Variants in CXXC5 observed in about 807,000 individuals in gnomAD.
CXXC5 encodes CXXC-type zinc finger protein 5.
In CXXC5, 2 loss-of-function variants were observed where a neutral mutation model predicts 17.6. The ratio of observed to expected loss-of-function variants is 0.11; its 90% CI spans 0.05 to 0.36. The LOEUF (loss-of-function observed/expected upper bound fraction) is 0.36, where lower values mean the gene tolerates loss of function less well. Among genes scored for constraint, CXXC5 ranks in the 10% least tolerant of loss-of-function variants. The probability of loss-of-function intolerance (pLI) is 1.00; values close to 1 mark genes in which losing one functional copy is unlikely to be tolerated. For missense variants in CXXC5, 343 were observed against 458.3 expected, an observed-to-expected ratio of 0.75 and a Z score of 2.30; for synonymous variants, 171 against 193.0, an observed-to-expected ratio of 0.89 and a Z score of 0.94.
chr5:139,649,981 A>G (rs1457352251), intron 1 of CXXC5, among the ~76,000 whole-genome samples: 1 of 152,154 alleles, frequency 6.6e-6, no homozygotes, highest in Non-Finnish European at 1.5e-5. Flanking sequence ...TATTTGTAGG[A>G]TCGACGGAAA....
chr5:139,669,641 G>T (rs1296031455), intron 1 of CXXC5, among the ~76,000 whole-genome samples: 1 of 152,066 alleles, frequency 6.6e-6, no homozygotes, highest in African/African-American at 2.4e-5. Context: ...TGTCTTCCCA[G>T]CCTTGTGTGA....
intron 1 of CXXC5, among the ~76,000 whole-genome samples, chr5:139,662,379 G>C (rs771378330): frequency 7.9e-5 from 12 of 152,164 alleles, no homozygotes; most frequent in Non-Finnish European, 1.6e-4. Flanking sequence ...CTTTGGGGTT[G>C]GGGCCTGCCT....
At chr5:139,672,241 C>T (rs756998554) in intron 1 of CXXC5, among the ~76,000 whole-genome samples, 2 of 152,208 alleles carry the variant, frequency 1.3e-5, no homozygotes, top group Non-Finnish European at 2.9e-5. Context: ...CCTCAGCCTC[C>T]CGAGTAGCTG....
rs986663782 is a variant in CXXC5 at position 139,683,761 on chromosome 5, G to T, written c.*854G>T. The stretch of plus-strand genomic sequence containing the variant: ...GCTGGTGGGGGTGGGTCCCCAGGGG[G>T]CCCCCTGCGGCCTGGGCCCCCCTGC... On this transcript the variant is annotated 3_prime_UTR_variant, in exon 3 of 3. Coordinates refer to ENST00000302517, the MANE Select transcript of CXXC5 (RefSeq NM_016463.9). 3 of 152,634 alleles carry T rather than the reference G, an allele frequency of 2.0e-5. No individual in the cohort carries two copies. In the South Asian group the frequency reaches 6.2e-4, roughly 32 times the overall value. 9.5% of individuals were successfully genotyped at this position (152,634 alleles called of 1,614,324 possible). A position where few individuals can be genotyped will look rare whatever the true frequency, so the allele number is the denominator to read the frequency against.
At chr5:139,649,861 G>C (rs1165799991) in intron 1 of CXXC5, 1 of 152,254 alleles carries the variant, frequency 6.6e-6, no homozygotes, top group Non-Finnish European at 1.5e-5. Context: ...GCGGAGTGAG[G>C]GGCTGAACCG....
Position 139,660,416 on chromosome 5 carries a change from C to T in CXXC5, c.-161+11571C>T, listed in dbSNP as rs571896191. Reference sequence around the variant, plus strand: ...CAGATTGGAGGAGCCTGGTATTGCCCGGCCTGGGCAAGGAACAGGCAGGAT... The same window carrying T: ...CAGATTGGAGGAGCCTGGTATTGCCTGGCCTGGGCAAGGAACAGGCAGGAT... On this transcript the variant is annotated intron_variant, in intron 1 of 2. Transcript: ENST00000302517. Among the ~76,000 whole-genome samples, 56 of 152,308 alleles carry T rather than the reference C, an allele frequency of 3.7e-4. No individual in the cohort carries two copies. In the East Asian group the frequency reaches 6.2e-3, roughly 17 times the overall value.
intron 1 of CXXC5, among the ~76,000 whole-genome samples, chr5:139,667,102 G>A (rs911851338): frequency 6.6e-5 from 10 of 152,282 alleles, no homozygotes; most frequent in African/African-American, 2.4e-4. Flanking sequence ...GGCTGAGCTG[G>A]GCACTTTGCA....
chr5:139,656,417 T>C (rs903158304), intron 1 of CXXC5, among the ~76,000 whole-genome samples: 1 of 152,188 alleles, frequency 6.6e-6, no homozygotes, highest in African/African-American at 2.4e-5. Flanking sequence ...CAGGCACACA[T>C]ATGTACGTGT....
chr5:139,677,519 A>C (rs1313393267), intron 1 of CXXC5, among the ~76,000 whole-genome samples: 1 of 152,162 alleles, frequency 6.6e-6, no homozygotes, highest in Non-Finnish European at 1.5e-5. Flanking sequence ...AAGCTTGAGG[A>C]CCAGATGTTC....
At chr5:139,657,368 G>A (rs1016202402) in intron 1 of CXXC5, among the ~76,000 whole-genome samples, 6 of 152,370 alleles carry the variant, frequency 3.9e-5, no homozygotes, top group African/African-American at 1.4e-4. Flanking sequence ...TGCTTGCTGG[G>A]CACAGGCCTT....
rs575976210 is a variant in CXXC5, at chr5:139,665,960, C to T, written c.-160-14404C>T. 2.0e-5 allele frequency among the ~76,000 whole-genome samples: 3 copies of T among 152,370 alleles called. No individual in the cohort carries two copies. The South Asian group carries it at 6.2e-4, about 32-fold the overall frequency. The stretch of plus-strand genomic sequence containing the variant: ...TCAAGCTGCTATGGTACACTGACCC[C>T]AGTGTCTCAAGTGCCCCCAACCAAA... On this transcript the variant is annotated intron_variant, in intron 1 of 2. Transcript: ENST00000302517.
At position 139,648,811 on chromosome 5, in the gene CXXC5, G is replaced by C. The variant is rs1260631804; in HGVS notation, c.-195G>C. On this transcript the variant is annotated 5_prime_UTR_variant, in exon 1 of 3. Coordinates refer to ENST00000302517, the MANE Select transcript of CXXC5 (RefSeq NM_016463.9). ...CCCTCCCCCTCGGCCTCGCGGCGACGGCGGCGGTGGCGGCTTGGACGACTC... is the reference window on the plus strand; with the variant it reads ...CCCTCCCCCTCGGCCTCGCGGCGACCGCGGCGGTGGCGGCTTGGACGACTC... 2 of 152,900 alleles carry C rather than the reference G, an allele frequency of 1.3e-5. No individual in the cohort carries two copies. The highest frequency in any genetic ancestry group is 2.9e-5 in the Non-Finnish European group (2 of 68,482). 9.5% of individuals were successfully genotyped at this position (152,900 alleles called of 1,614,324 possible).
intron 1 of CXXC5, among the ~76,000 whole-genome samples, chr5:139,650,598 T>C (rs1024662274): frequency 1.3e-5 from 2 of 152,178 alleles, no homozygotes; most frequent in African/African-American, 4.8e-5. Flanking sequence ...AACGCCCGGC[T>C]CCACCTCAGC....
At chr5:139,674,023 C>T (rs190832169) in intron 1 of CXXC5, among the ~76,000 whole-genome samples, 2 of 152,178 alleles carry the variant, frequency 1.3e-5, no homozygotes, top group African/African-American at 4.8e-5. Flanking sequence ...GGCAGTCAGT[C>T]TTGGGGTGAC....
rs775410299 is a variant in CXXC5, at chr5:139,680,652, C to T, written c.129C>T (p.Ala43=). Residue 43 remains alanine (A), a synonymous_variant, in exon 2 of 3, where the codon GCC becomes GCT. Coordinates refer to ENST00000302517, the MANE Select transcript of CXXC5 (RefSeq NM_016463.9). The part of the protein sequence containing the change: ...GAADKSAVVA[A]AAPASVADDT... Reference sequence around the variant, plus strand: ...CAGACAAGAGTGCAGTGGTGGCTGCCGCCGCACCAGCCTCAGTGGCAGATG... The same window carrying T: ...CAGACAAGAGTGCAGTGGTGGCTGCTGCCGCACCAGCCTCAGTGGCAGATG... 7.4e-6 allele frequency: 12 copies of T among 1,612,400 alleles called. No individual in the cohort carries two copies. Among genetic ancestry groups the T allele is most frequent in the Admixed American group, 3.3e-5 (2 of 59,998 alleles).
rs1392766706 is a variant in CXXC5 at position 139,683,690 on chromosome 5, C to G, written c.*783C>G. 6.6e-6 allele frequency: 1 copy of G among 152,548 alleles called. No homozygotes were observed. Among genetic ancestry groups the G allele is most frequent in the East Asian group, 1.9e-4 (1 of 5,192 alleles). The allele number at this position is 152,548 out of a possible 1,614,324, so 9.4% of individuals were successfully genotyped here. ...GAGAAAATAAGTCCTTTTTTTCTGGCCTTGCTAATGGCAACAGAAGAAAGG... is the reference window on the plus strand; with the variant it reads ...GAGAAAATAAGTCCTTTTTTTCTGGGCTTGCTAATGGCAACAGAAGAAAGG... On this transcript the variant is annotated 3_prime_UTR_variant, in exon 3 of 3. Coordinates refer to ENST00000302517, the MANE Select transcript of CXXC5 (RefSeq NM_016463.9).
intron 1 of CXXC5, among the ~76,000 whole-genome samples, chr5:139,650,057 A>G (rs937769779): frequency 6.6e-6 from 1 of 152,220 alleles, no homozygotes; most frequent in African/African-American, 2.4e-5. Flanking sequence ...TGAAACGCCC[A>G]AAGTGGGAGC....
chr5:139,660,267 G>A (rs1755720084), intron 1 of CXXC5, among the ~76,000 whole-genome samples: 1 of 152,230 alleles, frequency 6.6e-6, no homozygotes, highest in African/African-American at 2.4e-5. Flanking sequence ...CTGGTGGAGT[G>A]TGGAGCCAGG....
At position 139,663,360 on chromosome 5, in the gene CXXC5, C is replaced by T. The variant is rs923734241; in HGVS notation, c.-161+14515C>T. 6.6e-6 allele frequency among the ~76,000 whole-genome samples: 1 copy of T among 152,092 alleles called. No homozygotes were observed. The highest frequency in any genetic ancestry group is 1.5e-5 in the Non-Finnish European group (1 of 68,010). On this transcript the variant is annotated intron_variant, in intron 1 of 2. Coordinates refer to ENST00000302517, the MANE Select transcript of CXXC5 (RefSeq NM_016463.9). This position sits in a 1 kb window ranked among gnomAD's most constrained non-coding sequence, Gnocchi z 4.2. The stretch of plus-strand genomic sequence containing the variant: ...AGGGTGGCGAGAGGCTTGGGATGTG[C>T]CTTTGTGGCAGGGCTGTCAGGGCTG...
Sources: gnomAD v4.1 joint callset for allele counts (sites outside exome capture counted in the v4.1 genomes callset) on GRCh38, gnomAD v4.1.1 for gene constraint, Gnocchi (gnomAD v3.1) non-coding constraint, MANE v1.5 for transcripts, NCBI Gene and HGNC (gene_info 2026-07-23, HGNC 2026-07-21) for gene names.